The following TCF7L1 variants were observed in gnomAD, a reference collection of about 807,000 sequenced individuals.
TCF7L1 encodes transcription factor 7-like 1.
A neutral mutation model predicts 63.7 loss-of-function variants in TCF7L1; 18 were observed. The ratio of observed to expected loss-of-function variants is 0.28; its 90% confidence interval spans 0.20 to 0.42. The LOEUF is 0.42. TCF7L1 is among the 10% of genes least tolerant of loss of function. TCF7L1 has a pLI of 1.00. For missense variants in TCF7L1, 654 were observed against 779.3 expected, an observed-to-expected ratio of 0.84 and a Z score of 1.91; for synonymous variants, 355 against 340.9, an observed-to-expected ratio of 1.04 and a Z score of -0.46.
intron 8 of TCF7L1, among the ~76,000 whole-genome samples, chr2:85,305,837 C>T (rs1007676464): frequency 6.6e-6 from 1 of 152,150 alleles, no homozygotes; most frequent in Admixed American, 6.5e-5. Context: ...TCAGTGCTCC[C>T]TGGAGATCCC....
chr2:85,241,431 G>GTTTTTTTTTTTTTTTT lies in TCF7L1; in HGVS notation c.442-42059_442-42058insTTTTTTTTTTTTTTTT, dbSNP rs1273488175. Among the ~76,000 whole-genome samples the GTTTTTTTTTTTTTTTT allele has an allele frequency of 1.9e-4, 13 of 68,788 alleles. 1 individual carries two copies. Among genetic ancestry groups the GTTTTTTTTTTTTTTTT allele is most frequent in the African/African-American group, 5.7e-4 (11 of 19,252 alleles). 45.1% of individuals were successfully genotyped at this position (68,788 alleles called of 152,430 possible). ...TGATCCAGAGGACTGGATGCACTTT[G>GTTTTTTTTTTTTTTTT]TTTTTGTTTTTTTTTTTTTTTTTTT... On this transcript the variant is annotated intron_variant, in intron 3 of 11. Transcript: ENST00000282111.
chr2:85,221,348 C>T (rs1679836517), intron 3 of TCF7L1, among the ~76,000 whole-genome samples: 1 of 152,164 alleles, frequency 6.6e-6, no homozygotes, highest in Admixed American at 6.5e-5. Context: ...AGAAGTATTT[C>T]AGCTAATAAA....
At chr2:85,258,236 G>C (rs554451843) in intron 3 of TCF7L1, among the ~76,000 whole-genome samples, 1 of 152,214 alleles carries the variant, frequency 6.6e-6, no homozygotes, top group East Asian at 1.9e-4. Context: ...AGCAGGGGGG[G>C]CCTGCATTGG....
chr2:85,287,651 GC>G (rs1681594605), intron 4 of TCF7L1, among the ~76,000 whole-genome samples: 1 of 152,154 alleles, frequency 6.6e-6, no homozygotes, highest in African/African-American at 2.4e-5. Context: ...ATATAGCAAA[GC>G]AGACACAGGC....
At chr2:85,249,543 A>G (rs1207598042) in intron 3 of TCF7L1, among the ~76,000 whole-genome samples, 2 of 151,922 alleles carry the variant, frequency 1.3e-5, no homozygotes, top group African/African-American at 4.8e-5. Context: ...GGCCTGTTGT[A>G]CTCCAAAACC....
At chr2:85,198,932 A>G (rs773064747) in intron 3 of TCF7L1, among the ~76,000 whole-genome samples, 3 of 152,228 alleles carry the variant, frequency 2.0e-5, no homozygotes, top group Admixed American at 6.5e-5. Flanking sequence ...ATGGCTTCCC[A>G]GAGATAAGTA....
At chr2:85,270,456 C>A (rs1681123666) in intron 3 of TCF7L1, among the ~76,000 whole-genome samples, 1 of 152,178 alleles carries the variant, frequency 6.6e-6, no homozygotes, top group African/African-American at 2.4e-5. Context: ...CCAGACAGAA[C>A]ATCTGTATCT....
rs532840121 is a variant in TCF7L1 at position 85,305,457 on chromosome 2, G to A, written c.989+54G>A. The A allele has an allele frequency of 3.3e-4, 510 of 1,558,098 alleles. 1 individual carries two copies. The highest frequency in any genetic ancestry group is 2.9e-3 in the Admixed American group (156 of 54,194). ...GGGAGGGTGCAGGCTGTGGGGAGGG[G>A]TGGCCACACTCTGAGCAGCAAATGT... On this transcript the variant is annotated intron_variant, in intron 8 of 11. Transcript: ENST00000282111.
intron 3 of TCF7L1, among the ~76,000 whole-genome samples, chr2:85,227,432 C>A (rs1212113292): frequency 6.6e-6 from 1 of 150,792 alleles, no homozygotes; most frequent in African/African-American, 2.5e-5. Flanking sequence ...CAGAGTAATA[C>A]CCCCTCTTTT....
intron 3 of TCF7L1, among the ~76,000 whole-genome samples, chr2:85,263,882 G>A (rs558798690): frequency 2.6e-5 from 4 of 152,370 alleles, no homozygotes; most frequent in East Asian, 1.9e-4. Context: ...AAAACCAGCC[G>A]AAAGGGTGCC....
intron 3 of TCF7L1, among the ~76,000 whole-genome samples, chr2:85,141,074 C>T (rs1392796356): frequency 1.3e-5 from 2 of 151,952 alleles, no homozygotes; most frequent in Admixed American, 6.6e-5. Flanking sequence ...TATTTTGAGG[C>T]CAGAAGTTCA....
At chr2:85,160,093 CT>C (rs890272747) in intron 3 of TCF7L1, among the ~76,000 whole-genome samples, 1 of 152,188 alleles carries the variant, frequency 6.6e-6, no homozygotes, top group African/African-American at 2.4e-5. Flanking sequence ...AAGATTGAGT[CT>C]TTGGGTATAC....
chr2:85,209,464 G>T (rs961326887), intron 3 of TCF7L1, among the ~76,000 whole-genome samples: 2 of 152,184 alleles, frequency 1.3e-5, no homozygotes, highest in South Asian at 2.1e-4. Context: ...TGGTCTGCCC[G>T]TTGCTTATGC....
intron 11 of TCF7L1, among the ~76,000 whole-genome samples, 169 bp from the exon 12 acceptor site, chr2:85,308,860 G>A (rs1204680304): frequency 6.6e-6 from 1 of 152,020 alleles, no homozygotes; most frequent in East Asian, 1.9e-4. Flanking sequence ...TCTGTGCTCT[G>A]GGTATTTGTG....
In TCF7L1 at chr2:85,163,805, C is replaced by T. The variant is rs1286969053; in HGVS notation, c.441+29355C>T. ...GCTGCCTTCTCCCTGTGTATTCAAA[C>T]AGTCTTCCCTCTGTGGATGTCTGTC... On this transcript the variant is annotated intron_variant, in intron 3 of 11. Coordinates refer to ENST00000282111, the MANE Select transcript of TCF7L1 (RefSeq NM_031283.3). Among the ~76,000 whole-genome samples the T allele has an allele frequency of 4.6e-5, 7 of 152,284 alleles. No homozygotes were observed. In the East Asian group the frequency reaches 1.4e-3, roughly 29 times the overall value.
chr2:85,286,430 A>C (rs1422568831), intron 4 of TCF7L1, among the ~76,000 whole-genome samples: 1 of 151,904 alleles, frequency 6.6e-6, no homozygotes, highest in African/African-American at 2.4e-5. Flanking sequence ...TAATCTCAAC[A>C]CTTTGGGAGG....
intron 3 of TCF7L1, among the ~76,000 whole-genome samples, chr2:85,173,859 C>A (rs549935677): frequency 6.6e-6 from 1 of 152,144 alleles, no homozygotes; most frequent in Non-Finnish European, 1.5e-5. Flanking sequence ...GCCTCGGCCT[C>A]CTGAGTAGCT....
intron 3 of TCF7L1, among the ~76,000 whole-genome samples, chr2:85,259,800 T>C (rs956770049): frequency 1.3e-5 from 2 of 152,098 alleles, no homozygotes; most frequent in Non-Finnish European, 2.9e-5. Context: ...GAAATGCTGG[T>C]AGAGAGCCTT....
rs367916339 is a variant in TCF7L1 at position 85,291,891 on chromosome 2, A to AG, written c.525+8314dup. 7.7e-4 allele frequency among the ~76,000 whole-genome samples: 117 copies of AG among 151,232 alleles called. 1 individual carries two copies. The East Asian group carries it at 0.013, about 17-fold the overall frequency. ...CAGCTATTTTTATTATTTGTTGTAG[A>AG]GATGGGGTTCCACTATATGGCCCAA... On this transcript the variant is annotated intron_variant, in intron 4 of 11. Coordinates refer to ENST00000282111, the MANE Select transcript of TCF7L1 (RefSeq NM_031283.3).
Sources: allele counts gnomAD v4.1 joint callset (sites outside exome capture counted in the v4.1 genomes callset), GRCh38; gene constraint gnomAD v4.1.1; transcripts MANE v1.5; gene names NCBI Gene and HGNC (gene_info 2026-07-23, HGNC 2026-07-21).